The following ARHGAP26 variants were observed in gnomAD, a reference collection of about 807,000 sequenced individuals.
The protein encoded by ARHGAP26 is rho GTPase-activating protein 26.
ARHGAP26 carries 38 observed loss-of-function variants against 104.8 expected under a neutral mutation model. That is an observed-to-expected ratio of 0.36 (90% CI 0.28 to 0.48). ARHGAP26 has a LOEUF of 0.48. Ranked by LOEUF, ARHGAP26 falls within the 20% of genes least tolerant of loss-of-function variation. The pLI is 0.99. For missense variants in ARHGAP26, 704 were observed against 947.9 expected, an observed-to-expected ratio of 0.74 and a Z score of 3.38; for synonymous variants, 341 against 340.0, an observed-to-expected ratio of 1.00 and a Z score of -0.03.
rs761340951 is a variant in ARHGAP26, at chr5:142,907,774, A to G, written c.903A>G (p.Val301=). The G allele has an allele frequency of 4.3e-6, 7 of 1,611,544 alleles. No homozygotes were observed. Among genetic ancestry groups the G allele is most frequent in the Non-Finnish European group, 5.1e-6 (6 of 1,178,326 alleles). The change falls in exon 9 of 23, where the codon GTA becomes GTG. Residue 301 remains valine, a synonymous_variant. Coordinates refer to ENST00000645722, the MANE Select transcript of ARHGAP26 (RefSeq NM_001135608.3). The stretch of plus-strand genomic sequence containing the variant: ...GGGATTCCAAACAAATCACCATGGT[A>G]CCATTTGACCAAAAGTCAGGAGGAA... ...YQRDSKQITM[V]PFDQKSGGKG...
Position 143,170,421 on chromosome 5 carries a change from G to A in ARHGAP26, c.1988+23040G>A, listed in dbSNP as rs1216580401. 4 of 152,222 alleles carry A rather than the reference G, an allele frequency of 2.6e-5. No individual in the cohort carries two copies. In the East Asian group the frequency reaches 7.7e-4, roughly 29 times the overall value. The allele number at this position is 152,222 out of a possible 1,614,324, so 9.4% of individuals were successfully genotyped here. On this transcript the variant is annotated intron_variant, in intron 20 of 22. Transcript: ENST00000645722. Reference sequence around the variant, plus strand: ...ACATTGTCCAAAACCTATGAGTTTGGATAAGAACTGTTTCTTCTGCCAGGA... The same window carrying A: ...ACATTGTCCAAAACCTATGAGTTTGAATAAGAACTGTTTCTTCTGCCAGGA...
intron 22 of ARHGAP26, 110 bp from the exon 23 acceptor site, chr5:143,222,248 C>T: frequency 8.3e-5 from 1 of 12,036 alleles, no homozygotes; most frequent in Non-Finnish European, 1.1e-4. Context: ...TTCCTTCATA[C>T]ACACACACAC....
chr5:142,779,281 A>T (rs1016694757), intron 1 of ARHGAP26, among the ~76,000 whole-genome samples: 2 of 152,184 alleles, frequency 1.3e-5, no homozygotes, highest in East Asian at 1.9e-4. Context: ...ACAGCTTGGC[A>T]GTGTGGGCCA....
intron 4 of ARHGAP26, among the ~76,000 whole-genome samples, chr5:142,883,041 A>G (rs1380102387): frequency 6.6e-6 from 1 of 152,206 alleles, no homozygotes; most frequent in Admixed American, 6.5e-5. Context: ...TAAGAACATT[A>G]TCTAAGCTGT....
At chr5:142,940,781 T>C (rs1402871112) in intron 11 of ARHGAP26, among the ~76,000 whole-genome samples, 2 of 152,110 alleles carry the variant, frequency 1.3e-5, no homozygotes, top group Admixed American at 6.5e-5. Context: ...TATGTCTTTA[T>C]GGTTAAAGAA....
At chr5:143,101,176 C>G (rs1463173969) in intron 17 of ARHGAP26, among the ~76,000 whole-genome samples, 1 of 152,138 alleles carries the variant, frequency 6.6e-6, no homozygotes, top group African/African-American at 2.4e-5. Context: ...GCGTCATATG[C>G]CAGAACACCT....
At chr5:142,857,155 A>G (rs2152289170) in intron 1 of ARHGAP26, among the ~76,000 whole-genome samples, 1 of 152,282 alleles carries the variant, frequency 6.6e-6, no homozygotes, top group East Asian at 1.9e-4. Flanking sequence ...GACACTAGTC[A>G]TTGGATTTAG....
chr5:143,166,403 G>A (rs754795107), intron 20 of ARHGAP26, among the ~76,000 whole-genome samples: 4 of 152,190 alleles, frequency 2.6e-5, no homozygotes, highest in Non-Finnish European at 5.9e-5. Flanking sequence ...GGAGGAAGGC[G>A]AGGACCAGAA....
At chr5:143,162,464 A>T (rs1403308768) in intron 20 of ARHGAP26, among the ~76,000 whole-genome samples, 1 of 152,248 alleles carries the variant, frequency 6.6e-6, no homozygotes, top group Non-Finnish European at 1.5e-5. Context: ...AAGTGGAGTC[A>T]TGGGAATCCT....
At chr5:143,181,040 G>C (rs1271467001) in intron 20 of ARHGAP26, among the ~76,000 whole-genome samples, 1 of 152,132 alleles carries the variant, frequency 6.6e-6, no homozygotes, top group Non-Finnish European at 1.5e-5. Context: ...ATCAAGACCT[G>C]TTGATTCTGT....
intron 19 of ARHGAP26, among the ~76,000 whole-genome samples, chr5:143,140,738 C>CGGTGGG (rs1798417194): frequency 1.5e-5 from 2 of 136,484 alleles, no homozygotes; most frequent in African/African-American, 2.6e-5. Flanking sequence ...TGTACAGTGT[C>CGGTGGG]GGTGGGGGTG....
chr5:142,811,164 G>A (rs541665050), intron 1 of ARHGAP26, among the ~76,000 whole-genome samples: 2 of 152,282 alleles, frequency 1.3e-5, no homozygotes, highest in African/African-American at 4.8e-5. Context: ...TTATTGTTAA[G>A]TTTCAGTGAG....
chr5:143,071,923 CA>C (rs1788329330), intron 17 of ARHGAP26, among the ~76,000 whole-genome samples: 1 of 151,996 alleles, frequency 6.6e-6, no homozygotes, highest in African/African-American at 2.4e-5. Flanking sequence ...AACAAACAAA[CA>C]AAAATTTGAT....
intron 1 of ARHGAP26, among the ~76,000 whole-genome samples, chr5:142,827,495 A>C (rs1767527587): frequency 6.6e-6 from 1 of 152,200 alleles, no homozygotes; most frequent in African/African-American, 2.4e-5. Flanking sequence ...GTGGAGGTTG[A>C]GGTTGGGGCA....
chr5:142,877,580 T>C (rs146495581), intron 3 of ARHGAP26, among the ~76,000 whole-genome samples: 1 of 152,320 alleles, frequency 6.6e-6, no homozygotes, highest in East Asian at 1.9e-4. Flanking sequence ...AAACAGGTCT[T>C]ATTAAGGCTG....
chr5:143,176,087 C>T (rs539642900), intron 20 of ARHGAP26, among the ~76,000 whole-genome samples: 48 of 152,222 alleles, frequency 3.2e-4, no homozygotes, highest in Non-Finnish European at 5.3e-4. Context: ...GCACTCCAGC[C>T]TGGGTGACAG....
intron 12 of ARHGAP26, among the ~76,000 whole-genome samples, chr5:143,021,795 C>A (rs1039758788): frequency 6.6e-6 from 1 of 152,198 alleles, no homozygotes; most frequent in Non-Finnish European, 1.5e-5. Flanking sequence ...ACTCCCACAA[C>A]AAAAGGAAAA....
chr5:142,902,403 G>C (rs1760489299), intron 7 of ARHGAP26, among the ~76,000 whole-genome samples: 1 of 152,208 alleles, frequency 6.6e-6, no homozygotes, highest in Non-Finnish European at 1.5e-5. Flanking sequence ...AGACCGTGTG[G>C]AGTGTGTGTT....
At chr5:142,924,356 T>C (rs961587212) in intron 10 of ARHGAP26, among the ~76,000 whole-genome samples, 2 of 152,218 alleles carry the variant, frequency 1.3e-5, no homozygotes, top group Non-Finnish European at 2.9e-5. Flanking sequence ...GCATGGGCTT[T>C]GCTTTAGATT....
Sources: allele counts gnomAD v4.1 joint callset (sites outside exome capture counted in the v4.1 genomes callset), GRCh38; gene constraint gnomAD v4.1.1; transcripts MANE v1.5; gene names NCBI Gene and HGNC (gene_info 2026-07-23, HGNC 2026-07-21).